Variants in ESYT2 observed in about 807,000 individuals in gnomAD.
The protein encoded by ESYT2 is extended synaptotagmin-2.
Under a neutral mutation model 107.2 loss-of-function variants are expected in ESYT2, and 54 were observed. The observed-to-expected ratio is 0.50, with a 90% CI of 0.40 to 0.63. The LOEUF (loss-of-function observed/expected upper bound fraction) is 0.63. Among genes scored for constraint, ESYT2 ranks in the 30% least tolerant of loss-of-function variants. ESYT2 has a pLI of 0.00. For synonymous variants in ESYT2, 491 were observed against 434.1 expected (o/e 1.13, Z -1.63); for missense variants, 1,020 against 1,094.5 (o/e 0.93, Z 0.96).
chr7:158,734,931 A>AC (rs1377393276), intron 21 of ESYT2, among the ~76,000 whole-genome samples: 9 of 151,958 alleles, frequency 5.9e-5, no homozygotes, highest in East Asian at 1.9e-4. Context: ...AATCTTTTCT[A>AC]CCCCCCTGAG....
Position 158,829,169 on chromosome 7 carries a change from G to A in ESYT2, c.250C>T (p.Leu84=), listed in dbSNP as rs2129474576. 6.5e-7 allele frequency: 1 copy of A among 1,548,964 alleles called. No homozygotes were observed. The highest frequency in any genetic ancestry group is 8.6e-7 in the Non-Finnish European group (1 of 1,156,156). Reference sequence around the variant, plus strand: ...TCCAGCAGCGCCAGCGCGCGGCACAGGCGCAGGGCCTTGAGGCCGCGGCTG... The same window carrying A: ...TCCAGCAGCGCCAGCGCGCGGCACAAGCGCAGGGCCTTGAGGCCGCGGCTG... The part of the protein sequence containing the change: ...RRSRGLKALR[L]CRALALLEDE... The change falls in exon 1 of 23, where the codon CTG becomes TTG. Residue 84 remains leucine, a synonymous_variant. Transcript: ENST00000275418.
At chr7:158,799,466 C>T (rs76333249) in intron 1 of ESYT2, among the ~76,000 whole-genome samples, 13,237 of 152,162 alleles carry the variant, frequency 0.087, 631 homozygotes, top group Middle Eastern at 0.14. Context: ...CTCAGAGCCC[C>T]TACCCTTCCC....
At chr7:158,752,437 A>G (rs1462080630) in intron 14 of ESYT2, among the ~76,000 whole-genome samples, 2 of 152,232 alleles carry the variant, frequency 1.3e-5, no homozygotes, top group African/African-American at 4.8e-5. Flanking sequence ...TTAAGTCATG[A>G]TTTAAACATC....
Position 158,767,674 on chromosome 7 carries a change from A to G in ESYT2, c.904T>C (p.Leu302=), listed in dbSNP as rs760230583. The G allele has an allele frequency of 4.3e-6, 7 of 1,612,588 alleles. No homozygotes were observed. The Admixed American group carries it at 1.2e-4, about 27-fold the overall frequency. The change falls in exon 8 of 23, where the codon TTG becomes CTG. Residue 302 remains leucine (L), a synonymous_variant. Transcript: ENST00000275418. ...PLVSEVQIAQ[L]RFPVPKGVLR... is the part of the protein sequence containing the mutation. Reference sequence around the variant, plus strand: ...CTTACCTTTGGTACAGGAAACCGCAACTGAGCTATTTGAACTTCACTGACA... The same window carrying G: ...CTTACCTTTGGTACAGGAAACCGCAGCTGAGCTATTTGAACTTCACTGACA...
In ESYT2 at chr7:158,741,874, T is replaced by A. The variant is rs150795495; in HGVS notation, c.1817A>T (p.Glu606Val). 6.2e-6 allele frequency: 10 copies of A among 1,606,664 alleles called. No individual in the cohort carries two copies. Among genetic ancestry groups the A allele is most frequent in the Non-Finnish European group, 7.6e-6 (9 of 1,177,094 alleles). The change falls in exon 18 of 23, where the codon GAA (glutamate) becomes GTA (valine). Residue 606 changes from glutamate to valine, a missense_variant. Transcript: ENST00000275418. ...TGAGTGTTGGTGGTCTGGAGGCCTT[T>A]CTCGCTTTTCGAGATGGAGCACCTA... ...ALRVLHLEKRERPPDHQHSAQ... is the reference protein window; with the variant it reads ...ALRVLHLEKRVRPPDHQHSAQ...
chr7:158,798,160 A>C, intron 2 of ESYT2, 84 bp from the exon 3 acceptor site: 1 of 1,421,692 alleles, frequency 7.0e-7, no homozygotes, highest in South Asian at 1.3e-5. Context: ...CCCTCGCAAC[A>C]GACCAAACCT....
chr7:158,780,966 C>G (rs1038657062), intron 6 of ESYT2, among the ~76,000 whole-genome samples: 8 of 151,958 alleles, frequency 5.3e-5, no homozygotes, highest in African/African-American at 1.7e-4. Context: ...GTGTGAGAGG[C>G]TGTGTAAATC....
chr7:158,739,026 C>T lies in ESYT2; in HGVS notation c.2264G>A (p.Cys755Tyr). The change falls in exon 19 of 23, where the codon TGC (cysteine) becomes TAC (tyrosine). Residue 755 changes from cysteine (C) to tyrosine (Y), a missense_variant. Transcript: ENST00000275418. ...RNKLIVVVHACRNLIAFSEDG... is the reference protein window; with the variant it reads ...RNKLIVVVHAYRNLIAFSEDG... ...CGCGTGGGACCCCAGCCCCCACCTGCAGGCATGCACGACCACGATAAGCTT... is the reference window on the plus strand; with the variant it reads ...CGCGTGGGACCCCAGCCCCCACCTGTAGGCATGCACGACCACGATAAGCTT... The T allele has an allele frequency of 1.2e-6, 2 of 1,613,962 alleles. No homozygotes were observed. The highest frequency in any genetic ancestry group is 1.7e-6 in the Non-Finnish European group (2 of 1,179,908).
intron 10 of ESYT2, 35 bp downstream of exon 10, chr7:158,763,048 G>T: frequency 6.7e-7 from 1 of 1,495,576 alleles, no homozygotes; most frequent in South Asian, 1.2e-5. Flanking sequence ...CTGACCCCAT[G>T]CCCTCCTCCA....
intron 16 of ESYT2, among the ~76,000 whole-genome samples, chr7:158,747,785 A>G (rs935250078): frequency 6.6e-6 from 1 of 152,234 alleles, no homozygotes; most frequent in Non-Finnish European, 1.5e-5. Context: ...TAAACCGGAA[A>G]GAACCCAATC....
chr7:158,804,974 G>A lies in ESYT2; in HGVS notation c.331-5902C>T, dbSNP rs78922530. The stretch of plus-strand genomic sequence containing the variant: ...CCTCTTCATATTATCAGATTACGAT[G>A]AGAAAAAGTATTAGGGACAGTATTC... On this transcript the variant is annotated intron_variant, in intron 1 of 22. Transcript: ENST00000275418. 4.5e-3 allele frequency among the ~76,000 whole-genome samples: 689 copies of A among 152,312 alleles called. 43 individuals carry two copies. The East Asian group carries it at 0.12, about 26-fold the overall frequency.
chr7:158,785,922 TA>T (rs1374085589), intron 6 of ESYT2, among the ~76,000 whole-genome samples: 1 of 152,204 alleles, frequency 6.6e-6, no homozygotes, highest in Non-Finnish European at 1.5e-5. Flanking sequence ...GAAAGAAATT[TA>T]AAAAACCCAC....
intron 6 of ESYT2, among the ~76,000 whole-genome samples, chr7:158,783,058 G>C (rs573597015): frequency 6.6e-5 from 10 of 152,280 alleles, no homozygotes; most frequent in African/African-American, 2.4e-4. Context: ...CAGGATGCTG[G>C]GAGCCTCGCC....
intron 1 of ESYT2, among the ~76,000 whole-genome samples, chr7:158,810,617 G>A (rs1318969729): frequency 6.6e-6 from 1 of 152,158 alleles, no homozygotes; most frequent in Non-Finnish European, 1.5e-5. Flanking sequence ...GGGAGGTGGA[G>A]GCTGCAATGG....
Position 158,793,647 on chromosome 7 carries a change from T to TA in ESYT2, c.584+2dup. On this transcript the variant is annotated splice_region_variant and intron_variant, in intron 4 of 22. Coordinates refer to ENST00000275418, the MANE Select transcript of ESYT2 (RefSeq NM_001367773.1). ...AACACAAATATAACAAATAAAAACT[T>TA]ACCTAATCTGAAGGTCCAAAATAAT... 1 of 1,599,844 alleles carries TA rather than the reference T, an allele frequency of 6.3e-7. No homozygotes were observed.
chr7:158,804,272 G>A (rs1839742091), intron 1 of ESYT2, among the ~76,000 whole-genome samples: 2 of 80,060 alleles, frequency 2.5e-5, no homozygotes. Context: ...CGCCGAGAAG[G>A]GTGAGGCGCG....
chr7:158,760,102 G>T lies in ESYT2; in HGVS notation c.1279C>A (p.Leu427Met). The T allele has an allele frequency of 6.2e-7, 1 of 1,614,210 alleles. No homozygotes were observed. The highest frequency in any genetic ancestry group is 8.5e-7 in the Non-Finnish European group (1 of 1,180,036). Residue 427 changes from leucine to methionine, a missense_variant, in exon 12 of 23, where the codon CTG (leucine) becomes ATG (methionine). Coordinates refer to ENST00000275418, the MANE Select transcript of ESYT2 (RefSeq NM_001367773.1). ...TTTGGCATTAACGTGAGCCACTCCA[G>T]TCTCAAGTGTAGCTTCCCCTTGGGA... is the stretch of plus-strand genomic sequence containing the variant. ...EVPKGKLHLR[L>M]EWLTLMPNAS...
chr7:158,736,157 G>A lies in ESYT2; in HGVS notation c.2400-549C>T, dbSNP rs549936390. On this transcript the variant is annotated intron_variant, in intron 20 of 22. Coordinates refer to ENST00000275418, the MANE Select transcript of ESYT2 (RefSeq NM_001367773.1). ...CTGCGGGTGCCTGCCCCAGGCCACC[G>A]TGCTGGGGGGCAAGTGGAGTCTCCA... Among the ~76,000 whole-genome samples the A allele has an allele frequency of 3.2e-4, 41 of 129,310 alleles. No individual in the cohort carries two copies. In the East Asian group the frequency reaches 0.011, roughly 36 times the overall value. 84.8% of individuals were successfully genotyped at this position (129,310 alleles called of 152,430 possible). A position where few individuals can be genotyped will look rare whatever the true frequency, so the allele number is the denominator to read the frequency against.
chr7:158,791,041 C>T (rs991049098), intron 4 of ESYT2, among the ~76,000 whole-genome samples: 1 of 152,144 alleles, frequency 6.6e-6, no homozygotes, highest in African/African-American at 2.4e-5. Context: ...CACCACCATC[C>T]GTCTCCGGAC....
Sources: allele counts gnomAD v4.1 joint callset (sites outside exome capture counted in the v4.1 genomes callset), GRCh38; gene constraint gnomAD v4.1.1; transcripts MANE v1.5; gene names NCBI Gene and HGNC (gene_info 2026-07-23, HGNC 2026-07-21).